Variants in ASTN1 observed in about 807,000 individuals in gnomAD.
The protein encoded by ASTN1 is astrotactin 1.
Under a neutral mutation model 140.7 loss-of-function variants are expected in ASTN1, and 41 were observed. The ratio of observed to expected loss-of-function variants is 0.29; its 90% confidence interval spans 0.23 to 0.38. The LOEUF is 0.38. ASTN1 is among the 10% of genes least tolerant of loss of function. The pLI is 1.00. For synonymous variants in ASTN1, 640 were observed against 652.2 expected (o/e 0.98, Z 0.29); for missense variants, 1,479 against 1,678.8 (o/e 0.88, Z 2.08).
At chr1:177,095,354 G>C (rs1405575934) in intron 1 of ASTN1, among the ~76,000 whole-genome samples, 2 of 152,154 alleles carry the variant, frequency 1.3e-5, no homozygotes, top group African/African-American at 4.8e-5. Context: ...ATAAAAGTCT[G>C]CTACTATTTG....
chr1:177,051,291 CA>C (rs1167575718), intron 2 of ASTN1, among the ~76,000 whole-genome samples: 2 of 152,202 alleles, frequency 1.3e-5, no homozygotes, highest in African/African-American at 4.8e-5. Flanking sequence ...GTTCTGCAGA[CA>C]AAATGAGGAG....
intron 1 of ASTN1, among the ~76,000 whole-genome samples, chr1:177,083,306 C>G (rs1679269676): frequency 6.6e-6 from 1 of 152,096 alleles, no homozygotes; most frequent in Non-Finnish European, 1.5e-5. Context: ...ACAAATTCAA[C>G]ACTAGTGATC....
intron 16 of ASTN1, among the ~76,000 whole-genome samples, chr1:176,932,551 C>G (rs1671254614): frequency 6.6e-6 from 1 of 152,178 alleles, no homozygotes; most frequent in Non-Finnish European, 1.5e-5. Flanking sequence ...CGTAGACCTA[C>G]TAAAATGTTT....
chr1:176,916,948 C>A (rs1409356902), intron 16 of ASTN1, among the ~76,000 whole-genome samples: 3 of 152,132 alleles, frequency 2.0e-5, no homozygotes, highest in Non-Finnish European at 2.9e-5. Flanking sequence ...CCCTACTTAC[C>A]CCACATTAGC....
chr1:176,933,033 T>G (rs1262111357), intron 16 of ASTN1, among the ~76,000 whole-genome samples: 1 of 152,224 alleles, frequency 6.6e-6, no homozygotes, highest in Admixed American at 6.5e-5. Flanking sequence ...TTTGAAGAGA[T>G]AGCAGAAGCC....
intron 2 of ASTN1, among the ~76,000 whole-genome samples, chr1:177,043,428 G>C (rs1472511854): frequency 3.3e-5 from 5 of 152,218 alleles, no homozygotes; most frequent in Non-Finnish European, 7.3e-5. Flanking sequence ...GCCATGTTTT[G>C]CATTAGAACC....
intron 1 of ASTN1, among the ~76,000 whole-genome samples, chr1:177,144,498 C>T (rs1051371745): frequency 1.3e-5 from 2 of 149,356 alleles, no homozygotes; most frequent in South Asian, 2.2e-4. Flanking sequence ...GTGATCCGCC[C>T]GCCTCGGCCT....
chr1:176,863,897 T>C lies in ASTN1; in HGVS notation c.*387A>G, dbSNP rs908901968. Reference sequence around the variant, plus strand: ...GCCTCACCTCTGCTCCCAGTTGCAATGGATTTAGGAACTGAGTGAGCACAG... The same window carrying C: ...GCCTCACCTCTGCTCCCAGTTGCAACGGATTTAGGAACTGAGTGAGCACAG... On this transcript the variant is annotated 3_prime_UTR_variant, in exon 23 of 23. Coordinates refer to ENST00000361833, the MANE Select transcript of ASTN1 (RefSeq NM_004319.3). The C allele has an allele frequency of 3.9e-6, 4 of 1,014,514 alleles. No homozygotes were observed. In the African/African-American group the frequency reaches 6.9e-5, roughly 18 times the overall value. The allele number at this position is 1,014,514 out of a possible 1,614,324, so 62.8% of individuals were successfully genotyped here. A position where few individuals can be genotyped will look rare whatever the true frequency, so the allele number is the denominator to read the frequency against.
At chr1:177,030,088 T>C (rs894654657) in intron 4 of ASTN1, among the ~76,000 whole-genome samples, 4 of 152,190 alleles carry the variant, frequency 2.6e-5, no homozygotes, top group African/African-American at 9.7e-5. Context: ...TATGAGACTA[T>C]CTAAGAGGTA....
intron 16 of ASTN1, among the ~76,000 whole-genome samples, chr1:176,930,562 T>A (rs1342688738): frequency 6.6e-6 from 1 of 152,092 alleles, no homozygotes; most frequent in Non-Finnish European, 1.5e-5. Context: ...ATGAAAAGAA[T>A]CTGGACAGAA....
intron 11 of ASTN1, among the ~76,000 whole-genome samples, chr1:176,957,395 T>C (rs1229517205): frequency 6.6e-6 from 1 of 152,216 alleles, no homozygotes; most frequent in African/African-American, 2.4e-5. Flanking sequence ...CTATTACATT[T>C]AGAATCAATG....
At chr1:176,910,523 C>G (rs995491104) in intron 16 of ASTN1, among the ~76,000 whole-genome samples, 1 of 152,226 alleles carries the variant, frequency 6.6e-6, no homozygotes, top group African/African-American at 2.4e-5. Context: ...GATGTAATAT[C>G]TTGTTGAAGA....
intron 8 of ASTN1, among the ~76,000 whole-genome samples, chr1:177,003,739 G>A (rs1432874999): frequency 1.3e-5 from 2 of 151,822 alleles, no homozygotes; most frequent in African/African-American, 2.4e-5. Context: ...TTGAACTTGC[G>A]AGGCAGAGGT....
At chr1:176,905,772 C>A (rs1669963405) in intron 16 of ASTN1, among the ~76,000 whole-genome samples, 1 of 152,092 alleles carries the variant, frequency 6.6e-6, no homozygotes, top group Admixed American at 6.6e-5. Flanking sequence ...GACCTGTGCC[C>A]TCTGTTTTAA....
intron 1 of ASTN1, among the ~76,000 whole-genome samples, chr1:177,071,824 T>C (rs982482629): frequency 7.2e-5 from 11 of 152,318 alleles, no homozygotes; most frequent in African/African-American, 2.4e-4. Context: ...TGAGACATGA[T>C]AGTAATCTTA....
chr1:177,097,917 T>C (rs1468320178), intron 1 of ASTN1, among the ~76,000 whole-genome samples: 1 of 152,166 alleles, frequency 6.6e-6, no homozygotes, highest in Non-Finnish European at 1.5e-5. Flanking sequence ...GCTGAGAAGA[T>C]AGCACGTCTA....
chr1:177,162,555 T>A (rs1023503396), intron 1 of ASTN1, among the ~76,000 whole-genome samples: 1 of 152,224 alleles, frequency 6.6e-6, no homozygotes, highest in Non-Finnish European at 1.5e-5. Context: ...TGGTTCCTAG[T>A]AGGCACATCA....
At chr1:176,878,142 C>T (rs1412096801) in intron 20 of ASTN1, among the ~76,000 whole-genome samples, 6 of 152,188 alleles carry the variant, frequency 3.9e-5, no homozygotes, top group Non-Finnish European at 8.8e-5. Flanking sequence ...CACTGGTCTG[C>T]TGGGACTCAG....
intron 8 of ASTN1, among the ~76,000 whole-genome samples, chr1:176,979,023 G>A (rs1021634854): frequency 5.9e-5 from 9 of 152,148 alleles, no homozygotes; most frequent in African/African-American, 2.2e-4. Flanking sequence ...AACTGATGGG[G>A]GTCTGTTAAA....
Sources: gnomAD v4.1 joint callset for allele counts (sites outside exome capture counted in the v4.1 genomes callset) on GRCh38, gnomAD v4.1.1 for gene constraint, MANE v1.5 for transcripts, NCBI Gene and HGNC (gene_info 2026-07-23, HGNC 2026-07-21) for gene names.